Variants in SYN1 observed in about 807,000 individuals in gnomAD.
SYN1 encodes the protein synapsin-1.
A neutral mutation model predicts 44.6 loss-of-function variants in SYN1; 8 were observed. That is an observed-to-expected ratio of 0.18 (90% CI 0.11 to 0.32). The LOEUF is 0.32. Ranked by LOEUF, SYN1 falls within the 10% of genes least tolerant of loss-of-function variation. The pLI, the probability that SYN1 is intolerant of heterozygous loss-of-function variation, is 1.00. For missense variants in SYN1, 451 were observed against 639.4 expected, an observed-to-expected ratio of 0.71 and a Z score of 3.18; for synonymous variants, 275 against 280.1, an observed-to-expected ratio of 0.98 and a Z score of 0.18.
At chrX:47,594,336 A>G (rs1569328191) in intron 5 of SYN1, among the ~76,000 whole-genome samples, 1 of 50,077 alleles carries the variant, frequency 2.0e-5, no homozygotes, top group Non-Finnish European at 3.6e-5. Flanking sequence ...GTTCAAGACC[A>G]GCCTGGCTAA....
chrX:47,575,378 CCA>C (rs1343942852), intron 9 of SYN1, 104 bp from the exon 10 acceptor site: 17 of 976,396 alleles, frequency 1.7e-5, no homozygotes, highest in African/African-American at 5.7e-5. Flanking sequence ...CCGCTGAGCC[CCA>C]GTGTCTGAGG....
At chrX:47,574,875 C>G (rs2057772563) in intron 10 of SYN1, 100 bp from the exon 11 acceptor site, 2 of 892,889 alleles carry the variant, frequency 2.2e-6, no homozygotes, top group Admixed American at 2.6e-5. Context: ...GGGTGTTGCC[C>G]CACTTGTGGC....
At position 47,575,204 on chromosome X, in the gene SYN1, A is replaced by G; in HGVS notation, c.1229T>C (p.Val410Ala). ...DEDKQLIVEL[V>A]VNKMAQALPR... ...CAGGGCCTGAGCCATCTTGTTGACC[A>G]CGAGCTCTACGATGAGCTGTTTGTC... The change falls in exon 10 of 13, where the codon GTG becomes GCG. Residue 410 changes from valine (V) to alanine (A), a missense_variant. Around this residue, in one of 3 missense-constraint regions of SYN1, gnomAD observed 315 missense variants for 451.4 expected, o/e 0.70. Transcript: ENST00000295987. 8.3e-7 allele frequency: 1 copy of G among 1,201,964 alleles called. No homozygotes were observed. The highest frequency in any genetic ancestry group is 1.1e-6 in the Non-Finnish European group (1 of 890,538).
chrX:47,594,352 T>TA (rs1224131544), intron 5 of SYN1, among the ~76,000 whole-genome samples: 1 of 186 alleles, frequency 5.4e-3, no homozygotes, highest in Non-Finnish European at 0.01. Context: ...GCTAACATGG[T>TA]GAACCCCATC....
intron 10 of SYN1, 47 bp downstream of exon 10, chrX:47,575,081 C>A (rs1029978295): frequency 8.5e-7 from 1 of 1,171,225 alleles, no homozygotes; most frequent in Non-Finnish European, 1.1e-6. Context: ...CCAGGGCCGG[C>A]CTCCCCACAC....
chrX:47,617,790 G>A (rs1332910159), intron 1 of SYN1, among the ~76,000 whole-genome samples: 17 of 112,410 alleles, frequency 1.5e-4, no homozygotes, highest in African/African-American at 4.8e-4. Context: ...ATGCTCAGGG[G>A]AGCCATTGGA....
At chrX:47,608,886 GACACAC>G (rs34092010) in intron 1 of SYN1, among the ~76,000 whole-genome samples, 25 of 89,524 alleles carry the variant, frequency 2.8e-4, no homozygotes, top group East Asian at 1.0e-3. Flanking sequence ...GTCTTGGACA[GACACAC>G]ACACACACAC....
chrX:47,585,057 C>T (rs978229120), intron 5 of SYN1: 2 of 1,191,617 alleles, frequency 1.7e-6, no homozygotes, highest in African/African-American at 1.8e-5. Flanking sequence ...TTTCTAACAT[C>T]TTCCTCCTGG....
chrX:47,584,106 G>A (rs779778496), intron 5 of SYN1, among the ~76,000 whole-genome samples: 57 of 111,525 alleles, frequency 5.1e-4, no homozygotes, highest in African/African-American at 1.7e-3. Flanking sequence ...TGGCTAAACC[G>A]ACGTAACAGG....
chrX:47,618,973 G>A (rs189484685), intron 1 of SYN1, among the ~76,000 whole-genome samples: 94 of 111,088 alleles, frequency 8.5e-4, no homozygotes, highest in African/African-American at 3.0e-3. Flanking sequence ...CATACTGCAG[G>A]TACTAGATAA....
At chrX:47,591,427 A>G (rs1234125017) in intron 5 of SYN1, among the ~76,000 whole-genome samples, 1 of 111,812 alleles carries the variant, frequency 8.9e-6, no homozygotes, top group Non-Finnish European at 1.9e-5. Context: ...AGAGATATGA[A>G]ATGTTAGTAT....
chrX:47,619,210 T>C, intron 1 of SYN1, 142 bp downstream of exon 1: 4 of 958,475 alleles, frequency 4.2e-6, no homozygotes. Context: ...AGAGGAAGCA[T>C]CCAGCTTAAT....
chrX:47,581,769 T>C lies in SYN1; in HGVS notation c.775-4268A>G, dbSNP rs141988063. 5.9e-3 allele frequency among the ~76,000 whole-genome samples: 664 copies of C among 111,962 alleles called. 6 individuals carry two copies. The highest frequency in any genetic ancestry group is 0.02 in the African/African-American group (611 of 30,797). On this transcript the variant is annotated intron_variant, in intron 5 of 12. Coordinates refer to ENST00000295987, the MANE Select transcript of SYN1 (RefSeq NM_006950.3). Reference sequence around the variant, plus strand: ...TGCCTGGTATACAGTAGGTGCTGTATAAATGCCGGCTATTTGCCTGTGTTA... The same window carrying C: ...TGCCTGGTATACAGTAGGTGCTGTACAAATGCCGGCTATTTGCCTGTGTTA...
At chrX:47,606,202 T>C (rs2057896496) in intron 3 of SYN1, among the ~76,000 whole-genome samples, 3 of 111,731 alleles carry the variant, frequency 2.7e-5, no homozygotes, top group Non-Finnish European at 5.6e-5. Flanking sequence ...CACTGTTATG[T>C]TTTTTCTTAG....
intron 1 of SYN1, 56 bp downstream of exon 1, chrX:47,619,296 C>T: frequency 8.4e-7 from 1 of 1,195,278 alleles, no homozygotes; most frequent in South Asian, 1.8e-5. Flanking sequence ...TGCTCATTCG[C>T]AGAAGAACGA....
At chrX:47,576,035 G>T (rs1325318896) in intron 9 of SYN1, 96 bp downstream of exon 9, 9 of 893,255 alleles carry the variant, frequency 1.0e-5, no homozygotes, top group Non-Finnish European at 1.4e-5. Context: ...ATTGCTGTTG[G>T]CTGAGGACCT....
In SYN1 at chrX:47,572,849, TCTCA is replaced by T. The variant is rs770997885; in HGVS notation, c.*11_*14del. 5.0e-6 allele frequency: 6 copies of T among 1,209,094 alleles called. No individual in the cohort carries two copies. Among genetic ancestry groups the T allele is most frequent in the Non-Finnish European group, 6.7e-6 (6 of 894,916 alleles). The stretch of plus-strand genomic sequence containing the variant: ...AAGGGTTGCCCAGGGATTTTGGGGT[TCTCA>T]GAGTGGGGTATCAGTCGGAGAAGAG... On this transcript the variant is annotated 3_prime_UTR_variant, in exon 13 of 13. Transcript: ENST00000295987.
intron 3 of SYN1, among the ~76,000 whole-genome samples, chrX:47,605,995 C>T (rs767208883): frequency 8.2e-5 from 9 of 109,711 alleles, no homozygotes; most frequent in South Asian, 3.9e-4. Flanking sequence ...CGGGTTCAAG[C>T]GATTTCCCTG....
At chrX:47,589,294 C>CCA (rs2057838935) in intron 5 of SYN1, among the ~76,000 whole-genome samples, 1 of 59,962 alleles carries the variant, frequency 1.7e-5, no homozygotes, top group Admixed American at 2.2e-4. Context: ...AAGACTGTCT[C>CCA]AAAAAAAAAA....
Sources: allele counts gnomAD v4.1 joint callset (sites outside exome capture counted in the v4.1 genomes callset), GRCh38; gene constraint gnomAD v4.1.1; regional missense constraint gnomAD v4.1.1; transcripts MANE v1.5; gene names NCBI Gene and HGNC (gene_info 2026-07-23, HGNC 2026-07-21).